The following ASB18 variants were observed in gnomAD, a reference collection of about 807,000 sequenced individuals.
The protein encoded by ASB18 is ankyrin repeat and SOCS box containing 18.
ASB18 carries 33 observed loss-of-function variants against 33.4 expected under a neutral mutation model. That is an observed-to-expected ratio of 0.99 (90% CI 0.75 to 1.32). The LOEUF (loss-of-function observed/expected upper bound fraction) is 1.32. ASB18 is among the 40% of genes most tolerant of loss of function. The pLI is 0.00. For missense variants in ASB18, 694 were observed against 655.5 expected, an observed-to-expected ratio of 1.06 and a Z score of -0.64; for synonymous variants, 295 against 307.6, an observed-to-expected ratio of 0.96 and a Z score of 0.43.
At chr2:236,201,949 A>G (rs990525064) in intron 4 of ASB18, among the ~76,000 whole-genome samples, 2 of 148,092 alleles carry the variant, frequency 1.4e-5, no homozygotes, top group Non-Finnish European at 3.0e-5. Flanking sequence ...ATCTCTGCTC[A>G]TTCTTTAATT....
chr2:236,201,767 C>G (rs1342728645), intron 4 of ASB18, among the ~76,000 whole-genome samples: 1 of 150,750 alleles, frequency 6.6e-6, no homozygotes, highest in Admixed American at 6.6e-5. Flanking sequence ...GTCATTTTCT[C>G]TGTTTTAACA....
At position 236,195,966 on chromosome 2, in the gene ASB18, C is replaced by G; in HGVS notation, c.1215+306G>C. ...GTATGTCCTGACGTGGAGCTAGGCCCGTGGATTCAGGCGGCTCTGGCCTTT... is the reference window on the plus strand; with the variant it reads ...GTATGTCCTGACGTGGAGCTAGGCCGGTGGATTCAGGCGGCTCTGGCCTTT... On this transcript the variant is annotated intron_variant, in intron 5 of 5. Transcript: ENST00000409749. This position sits in a 1 kb window ranked among gnomAD's most constrained non-coding sequence, Gnocchi z 5.5. 1 of 406,804 alleles carries G rather than the reference C, an allele frequency of 2.5e-6. No individual in the cohort carries two copies. Among genetic ancestry groups the G allele is most frequent in the Non-Finnish European group, 4.7e-6 (1 of 214,888 alleles). The allele number at this position is 406,804 out of a possible 1,614,324, so 25.2% of individuals were successfully genotyped here. A position where few individuals can be genotyped will look rare whatever the true frequency, so the allele number is the denominator to read the frequency against.
In ASB18 at chr2:236,215,443, C is replaced by T. The variant is rs777774725; in HGVS notation, c.597-577G>A. Among the ~76,000 whole-genome samples, 2 of 152,180 alleles carry T rather than the reference C, an allele frequency of 1.3e-5. No individual in the cohort carries two copies. The highest frequency in any genetic ancestry group is 2.4e-5 in the African/African-American group (1 of 41,428). ...GGGGAGCATTAGGTGGGAAGCACAACCAGGCCCTGTTGTGAGCCTACCTGT... is the reference window on the plus strand; with the variant it reads ...GGGGAGCATTAGGTGGGAAGCACAATCAGGCCCTGTTGTGAGCCTACCTGT... On this transcript the variant is annotated intron_variant, in intron 3 of 5. Coordinates refer to ENST00000409749, the MANE Select transcript of ASB18 (RefSeq NM_212556.4). This position sits in a 1 kb window ranked among gnomAD's most constrained non-coding sequence, Gnocchi z 7.2.
In ASB18 at chr2:236,209,495, G is replaced by A. The variant is rs1267264469; in HGVS notation, c.1101+4867C>T. 6.6e-6 allele frequency among the ~76,000 whole-genome samples: 1 copy of A among 152,086 alleles called. No homozygotes were observed. The highest frequency in any genetic ancestry group is 1.9e-4 in the East Asian group (1 of 5,180). Reference sequence around the variant, plus strand: ...ATGTTGTCTAGGCCAGTCTCAAACTGCTGGGCTCAAGTCATCCTTGTGCCT... The same window carrying A: ...ATGTTGTCTAGGCCAGTCTCAAACTACTGGGCTCAAGTCATCCTTGTGCCT... On this transcript the variant is annotated intron_variant, in intron 4 of 5. Transcript: ENST00000409749. The surrounding 1 kb of genome is among the most constrained non-coding windows in gnomAD (Gnocchi z 4.4).
At position 236,231,508 on chromosome 2, in the gene ASB18, A is replaced by G. The variant is rs2060564707; in HGVS notation, c.596+6181T>C. ...GCCATCTTGGAAGCAACACAATGCC[A>G]TCTTGGAAGCAGAGAACATGCCCTC... On this transcript the variant is annotated intron_variant, in intron 3 of 5. Transcript: ENST00000409749. This position sits in a 1 kb window ranked among gnomAD's most constrained non-coding sequence, Gnocchi z 5.5. Among the ~76,000 whole-genome samples the G allele has an allele frequency of 6.6e-6, 1 of 152,090 alleles. No individual in the cohort carries two copies. The highest frequency in any genetic ancestry group is 2.4e-5 in the African/African-American group (1 of 41,422).
rs1239214703 is a variant in ASB18 at position 236,237,834 on chromosome 2, CG to C, written c.450del (p.Gly151AlafsTer106). On this transcript the variant is annotated frameshift_variant, in exon 3 of 6. Coordinates refer to ENST00000409749, the MANE Select transcript of ASB18 (RefSeq NM_212556.4). LOFTEE classifies it high-confidence loss of function. This position sits in a 1 kb window ranked among gnomAD's most constrained non-coding sequence, Gnocchi z 6.2. ...GCCTCGTGCAGGGCGCCGCGGCCGCCGGGGCTGGCGTCTGGGTCTGCGCCGC... is the reference window on the plus strand; with the variant it reads ...GCCTCGTGCAGGGCGCCGCGGCCGCCGGGCTGGCGTCTGGGTCTGCGCCGC... The part of the protein sequence containing the change: ...LGRGADPDAS[P>X]GGRGALHEAC... 3 of 1,376,754 alleles carry C rather than the reference CG, an allele frequency of 2.2e-6. No homozygotes were observed. Among genetic ancestry groups the C allele is most frequent in the Middle Eastern group, 2.6e-4 (1 of 3,842 alleles). The allele number at this position is 1,376,754 out of a possible 1,614,324, so 85.3% of individuals were successfully genotyped here.
Position 236,263,442 on chromosome 2 carries a change from T to C in ASB18, c.205+699A>G, listed in dbSNP as rs1268018710. Reference sequence around the variant, plus strand: ...ATGGCAATTTAATACAAACATTCATTACCAGTGATGCTCCTTGGTGAGGTT... The same window carrying C: ...ATGGCAATTTAATACAAACATTCATCACCAGTGATGCTCCTTGGTGAGGTT... On this transcript the variant is annotated intron_variant, in intron 1 of 5. Transcript: ENST00000409749. The surrounding 1 kb of genome is among the most constrained non-coding windows in gnomAD (Gnocchi z 4.0). 6.6e-6 allele frequency among the ~76,000 whole-genome samples: 1 copy of C among 152,344 alleles called. No homozygotes were observed. The highest frequency in any genetic ancestry group is 1.5e-5 in the Non-Finnish European group (1 of 68,030).
rs1411585636 is a variant in ASB18 at position 236,229,994 on chromosome 2, TG to T, written c.596+7694del. Reference sequence around the variant, plus strand: ...TAAAACTAGGAGTTTGAGACCACCCTGGGCAGCAAAACAAGACCTCAACTCT... The same window carrying T: ...TAAAACTAGGAGTTTGAGACCACCCTGGCAGCAAAACAAGACCTCAACTCT... On this transcript the variant is annotated intron_variant, in intron 3 of 5. Coordinates refer to ENST00000409749, the MANE Select transcript of ASB18 (RefSeq NM_212556.4). This position sits in a 1 kb window ranked among gnomAD's most constrained non-coding sequence, Gnocchi z 5.2. 6.6e-6 allele frequency among the ~76,000 whole-genome samples: 1 copy of T among 152,044 alleles called. No individual in the cohort carries two copies. The highest frequency in any genetic ancestry group is 1.5e-5 in the Non-Finnish European group (1 of 68,014).
rs1394813959 is a variant in ASB18, at chr2:236,203,313, G to C, written c.1102-6928C>G. Among the ~76,000 whole-genome samples the C allele has an allele frequency of 6.6e-6, 1 of 152,110 alleles. No homozygotes were observed. The highest frequency in any genetic ancestry group is 1.5e-5 in the Non-Finnish European group (1 of 68,024). ...CTGGCTCTGGAGCAGGAGTTAGCAGGGGGAAAAAAAGGCATGGAGAGTTCT... is the reference window on the plus strand; with the variant it reads ...CTGGCTCTGGAGCAGGAGTTAGCAGCGGGAAAAAAAGGCATGGAGAGTTCT... On this transcript the variant is annotated intron_variant, in intron 4 of 5. Coordinates refer to ENST00000409749, the MANE Select transcript of ASB18 (RefSeq NM_212556.4). This position sits in a 1 kb window ranked among gnomAD's most constrained non-coding sequence, Gnocchi z 6.0.
In ASB18 at chr2:236,228,601, T is replaced by A. The variant is rs2060551393; in HGVS notation, c.596+9088A>T. Reference sequence around the variant, plus strand: ...TTTGTGTGCATAGAGGTTGAGAGTGTGGGCTGGTGGATTTCTACCAGAAAG... The same window carrying A: ...TTTGTGTGCATAGAGGTTGAGAGTGAGGGCTGGTGGATTTCTACCAGAAAG... On this transcript the variant is annotated intron_variant, in intron 3 of 5. Transcript: ENST00000409749. This position sits in a 1 kb window ranked among gnomAD's most constrained non-coding sequence, Gnocchi z 5.1. Among the ~76,000 whole-genome samples, 1 of 152,156 alleles carries A rather than the reference T, an allele frequency of 6.6e-6. No individual in the cohort carries two copies. The highest frequency in any genetic ancestry group is 6.5e-5 in the Admixed American group (1 of 15,276).
In ASB18 at chr2:236,237,074, G is replaced by C. The variant is rs1312620598; in HGVS notation, c.596+615C>G. Among the ~76,000 whole-genome samples, 1 of 152,142 alleles carries C rather than the reference G, an allele frequency of 6.6e-6. No individual in the cohort carries two copies. Among genetic ancestry groups the C allele is most frequent in the African/African-American group, 2.4e-5 (1 of 41,464 alleles). ...CGCCCGGGCGCGAACTAGCTGAGCG[G>C]CCGCTGGGCCTCCCTAGAGGCCGGC... is the stretch of plus-strand genomic sequence containing the variant. On this transcript the variant is annotated intron_variant, in intron 3 of 5. Coordinates refer to ENST00000409749, the MANE Select transcript of ASB18 (RefSeq NM_212556.4). The surrounding 1 kb of genome is among the most constrained non-coding windows in gnomAD (Gnocchi z 6.2).
chr2:236,258,674 C>T (rs1459947219), intron 1 of ASB18, among the ~76,000 whole-genome samples: 3 of 152,294 alleles, frequency 2.0e-5, no homozygotes, highest in Admixed American at 1.3e-4. Context: ...CTGCATCAAG[C>T]CTTAGATGAG....
Position 236,214,818 on chromosome 2 carries a change from G to T in ASB18, c.645C>A (p.Gly215=). 2.5e-6 allele frequency: 3 copies of T among 1,212,972 alleles called. No individual in the cohort carries two copies. Among genetic ancestry groups the T allele is most frequent in the Non-Finnish European group, 3.1e-6 (3 of 975,472 alleles). The allele number at this position is 1,212,972 out of a possible 1,614,324, so 75.1% of individuals were successfully genotyped here. A position where few individuals can be genotyped will look rare whatever the true frequency, so the allele number is the denominator to read the frequency against. The part of the protein sequence containing the change: ...LEHGASVQRV[G]GTGRDTPLHV... ...GCAGCGGCGTGTCCCGGCCCGTGCCGCCCACGCGCTGCACCGAGGCCCCGT... is the reference window on the plus strand; with the variant it reads ...GCAGCGGCGTGTCCCGGCCCGTGCCTCCCACGCGCTGCACCGAGGCCCCGT... Residue 215 remains glycine (G), a synonymous_variant, in exon 4 of 6, where the codon GGC becomes GGA. Coordinates refer to ENST00000409749, the MANE Select transcript of ASB18 (RefSeq NM_212556.4). The surrounding 1 kb of genome is among the most constrained non-coding windows in gnomAD (Gnocchi z 6.5).
rs147420887 is a variant in ASB18 at position 236,196,644 on chromosome 2, C to T, written c.1102-259G>A. Among the ~76,000 whole-genome samples, 206 of 152,268 alleles carry T rather than the reference C, an allele frequency of 1.4e-3. No homozygotes were observed. The highest frequency in any genetic ancestry group is 2.6e-3 in the Non-Finnish European group (175 of 68,004). ...GATGGCCGCCCAGCCAAAGTCTGGGCCAAGTGCTTAAGCATTCAGGTTCCC... is the reference window on the plus strand; with the variant it reads ...GATGGCCGCCCAGCCAAAGTCTGGGTCAAGTGCTTAAGCATTCAGGTTCCC... On this transcript the variant is annotated intron_variant, in intron 4 of 5. Coordinates refer to ENST00000409749, the MANE Select transcript of ASB18 (RefSeq NM_212556.4). The surrounding 1 kb of genome is among the most constrained non-coding windows in gnomAD (Gnocchi z 5.6).
At chr2:236,240,306 C>T (rs756555798) in intron 2 of ASB18, among the ~76,000 whole-genome samples, 1 of 152,154 alleles carries the variant, frequency 6.6e-6, no homozygotes, top group Non-Finnish European at 1.5e-5. Context: ...AGGAGCTGCT[C>T]GGCCCTCTGA....
chr2:236,224,507 A>C (rs2060527959), intron 3 of ASB18, among the ~76,000 whole-genome samples: 1 of 152,030 alleles, frequency 6.6e-6, no homozygotes, highest in Admixed American at 6.6e-5. Flanking sequence ...GTTTGGAGGG[A>C]GGTGGCCAGA....
At position 236,231,707 on chromosome 2, in the gene ASB18, G is replaced by A. The variant is rs28712146; in HGVS notation, c.596+5982C>T. On this transcript the variant is annotated intron_variant, in intron 3 of 5. Transcript: ENST00000409749. The surrounding 1 kb of genome is among the most constrained non-coding windows in gnomAD (Gnocchi z 5.5). ...CCAACCTTGGCCTCCCAAAGTGCTGGGATTACTGGTGTGATCCACTGCACC... is the reference window on the plus strand; with the variant it reads ...CCAACCTTGGCCTCCCAAAGTGCTGAGATTACTGGTGTGATCCACTGCACC... Among the ~76,000 whole-genome samples, 20,726 of 152,104 alleles carry A rather than the reference G, an allele frequency of 0.14. 1,487 individuals are homozygous for A. Among genetic ancestry groups the A allele is most frequent in the Middle Eastern group, 0.22 (64 of 294 alleles).
At position 236,262,533 on chromosome 2, in the gene ASB18, A is replaced by G. The variant is rs1049130235; in HGVS notation, c.205+1608T>C. On this transcript the variant is annotated intron_variant, in intron 1 of 5. Coordinates refer to ENST00000409749, the MANE Select transcript of ASB18 (RefSeq NM_212556.4). The surrounding 1 kb of genome is among the most constrained non-coding windows in gnomAD (Gnocchi z 5.2). ...CCCTCACTTTCCTCCAACTCCTATCATTAGTGGCACCCAACAGGAGCCAGA... is the reference window on the plus strand; with the variant it reads ...CCCTCACTTTCCTCCAACTCCTATCGTTAGTGGCACCCAACAGGAGCCAGA... 1.3e-5 allele frequency among the ~76,000 whole-genome samples: 2 copies of G among 152,222 alleles called. No homozygotes were observed. The highest frequency in any genetic ancestry group is 4.8e-5 in the African/African-American group (2 of 41,462).
Position 236,209,248 on chromosome 2 carries a change from G to A in ASB18, c.1101+5114C>T, listed in dbSNP as rs533464779. Reference sequence around the variant, plus strand: ...GCCCAGAAGCTGAGACAAGACCAGAGATTTGCAGATGTTTCTAGAATCTGC... The same window carrying A: ...GCCCAGAAGCTGAGACAAGACCAGAAATTTGCAGATGTTTCTAGAATCTGC... On this transcript the variant is annotated intron_variant, in intron 4 of 5. Transcript: ENST00000409749. The surrounding 1 kb of genome is among the most constrained non-coding windows in gnomAD (Gnocchi z 4.4). Among the ~76,000 whole-genome samples, 1 of 150,774 alleles carries A rather than the reference G, an allele frequency of 6.6e-6. No individual in the cohort carries two copies. Among genetic ancestry groups the A allele is most frequent in the Non-Finnish European group, 1.5e-5 (1 of 67,826 alleles).
Sources: gnomAD v4.1 joint callset for allele counts (sites outside exome capture counted in the v4.1 genomes callset) on GRCh38, gnomAD v4.1.1 for gene constraint, Gnocchi (gnomAD v3.1) non-coding constraint, MANE v1.5 for transcripts, NCBI Gene and HGNC (gene_info 2026-07-23, HGNC 2026-07-21) for gene names.